The following FBXO11 variants were observed in gnomAD, a reference collection of about 807,000 sequenced individuals.
The protein encoded by FBXO11 is F-box protein 11, also known as F-box only protein 11.
Under a neutral mutation model 117.0 loss-of-function variants are expected in FBXO11, and 13 were observed. The ratio of observed to expected loss-of-function variants is 0.11; its 90% CI spans 0.07 to 0.18. The LOEUF is 0.18. Among genes scored for constraint, FBXO11 ranks in the 10% least tolerant of loss-of-function variants. The pLI is 1.00. For synonymous variants in FBXO11, 490 were observed against 380.5 expected (o/e 1.29, Z -3.35); for missense variants, 767 against 1,164.4 (o/e 0.66, Z 4.97).
intron 11 of FBXO11, among the ~76,000 whole-genome samples, chr2:47,831,076 G>A (rs1450708511): frequency 6.6e-6 from 1 of 151,806 alleles, no homozygotes; most frequent in African/African-American, 2.4e-5. Context: ...TGGGATTACA[G>A]GTGTGAGCCA....
intron 1 of FBXO11, among the ~76,000 whole-genome samples, chr2:47,872,104 T>C (rs1219853287): frequency 6.6e-6 from 1 of 152,230 alleles, no homozygotes; most frequent in African/African-American, 2.4e-5. Flanking sequence ...CTGGCTTCCA[T>C]CTTTCCTGTT....
chr2:47,830,989 G>C (rs893407707), intron 11 of FBXO11, among the ~76,000 whole-genome samples: 7 of 152,010 alleles, frequency 4.6e-5, no homozygotes, highest in African/African-American at 1.7e-4. Flanking sequence ...TGTAGAGACA[G>C]AGTTTCACCA....
At chr2:47,836,445 T>C (rs1280987946) in intron 4 of FBXO11, among the ~76,000 whole-genome samples, 1 of 152,188 alleles carries the variant, frequency 6.6e-6, no homozygotes, top group Non-Finnish European at 1.5e-5. Context: ...CTCAGTTCAC[T>C]GCAACCTCTG....
At chr2:47,873,779 TTA>T (rs1217354839) in intron 1 of FBXO11, among the ~76,000 whole-genome samples, 3 of 152,230 alleles carry the variant, frequency 2.0e-5, no homozygotes, top group African/African-American at 7.2e-5. Context: ...CTTTTAAAAA[TTA>T]TGTTACTGTA....
At chr2:47,834,527 C>G in intron 7 of FBXO11, 52 bp downstream of exon 7, 1 of 1,368,748 alleles carries the variant, frequency 7.3e-7, no homozygotes, top group Non-Finnish European at 9.8e-7. Context: ...AAAATCCTAT[C>G]ACATAAATGA....
At chr2:47,833,585 T>C (rs1672337371) in intron 7 of FBXO11, among the ~76,000 whole-genome samples, 1 of 152,240 alleles carries the variant, frequency 6.6e-6, no homozygotes, top group African/African-American at 2.4e-5. Flanking sequence ...TAAAATGTTC[T>C]ATGTACTGTA....
chr2:47,832,104 T>C (rs1672237938), intron 11 of FBXO11, among the ~76,000 whole-genome samples: 1 of 152,186 alleles, frequency 6.6e-6, no homozygotes, highest in African/African-American at 2.4e-5. Flanking sequence ...TAACGAGTTA[T>C]ACCTTACTCC....
chr2:47,863,179 C>A (rs1267496057), intron 1 of FBXO11, among the ~76,000 whole-genome samples: 1 of 151,070 alleles, frequency 6.6e-6, no homozygotes. Context: ...AAAATAAAAC[C>A]AAAACATTGT....
At chr2:47,892,393 T>A (rs1677322167) in intron 1 of FBXO11, among the ~76,000 whole-genome samples, 2 of 152,274 alleles carry the variant, frequency 1.3e-5, no homozygotes, top group Non-Finnish European at 2.9e-5. Context: ...TGTCACTGAT[T>A]GGTATGTAAC....
chr2:47,810,211 C>T, intron 19 of FBXO11, 105 bp downstream of exon 19: 1 of 712,780 alleles, frequency 1.4e-6, no homozygotes, highest in Non-Finnish European at 2.2e-6. Flanking sequence ...CACTTCAGCA[C>T]ACTTTGCACA....
intron 1 of FBXO11, among the ~76,000 whole-genome samples, chr2:47,890,877 G>A (rs761390013): frequency 6.6e-6 from 1 of 152,084 alleles, no homozygotes; most frequent in Non-Finnish European, 1.5e-5. Context: ...GAATGCAGTG[G>A]TGCAATCATA....
chr2:47,825,955 A>AC (rs1671724524), intron 11 of FBXO11, among the ~76,000 whole-genome samples: 1 of 152,162 alleles, frequency 6.6e-6, no homozygotes, highest in South Asian at 2.1e-4. Context: ...AGTAAAAAAA[A>AC]ATTGATATAC....
intron 1 of FBXO11, among the ~76,000 whole-genome samples, chr2:47,902,795 T>A (rs139882242): frequency 6.6e-6 from 1 of 152,256 alleles, no homozygotes; most frequent in East Asian, 1.9e-4. Context: ...CTGAACTAGT[T>A]TGTCTCAAAA....
chr2:47,851,337 C>G (rs1168258918), intron 1 of FBXO11, among the ~76,000 whole-genome samples: 1 of 152,048 alleles, frequency 6.6e-6, no homozygotes, highest in Non-Finnish European at 1.5e-5. Flanking sequence ...AGCGATTCTC[C>G]TGCCTCAGCC....
chr2:47,832,389 T>C lies in FBXO11; in HGVS notation c.1358A>G (p.His453Arg), dbSNP rs781172158. The C allele has an allele frequency of 6.2e-7, 1 of 1,613,544 alleles. No individual in the cohort carries two copies. The highest frequency in any genetic ancestry group is 8.5e-7 in the Non-Finnish European group (1 of 1,179,758). The change falls in exon 11 of 23, where the codon CAT becomes CGT. Residue 453 changes from histidine to arginine, a missense_variant. By Grantham distance (29) the His-to-Arg change is conservative. Around this residue, in one of 10 missense-constraint regions of FBXO11, gnomAD observed 33 missense variants for 66.1 expected, o/e 0.50. Transcript: ENST00000403359. ...TGTGAACACACCAACATCACGTCCA[T>C]GATGAATATGATTCCGTCTAATAAT... The part of the protein sequence containing the change: ...NPIIRRNHIH[H>R]GRDVGVFTFD...
At chr2:47,886,320 C>T (rs183575807) in intron 1 of FBXO11, among the ~76,000 whole-genome samples, 5 of 152,080 alleles carry the variant, frequency 3.3e-5, no homozygotes, top group African/African-American at 9.6e-5. Flanking sequence ...GCCTGACCAA[C>T]ATGGTGAAAC....
Position 47,838,946 on chromosome 2 carries a change from A to G in FBXO11, c.500T>C (p.Ile167Thr). Reference sequence around the variant, plus strand: ...ATCCTGTTCCAGCAAGTAAGAGAAGATTTTTAGAACCACTTCATCTGGCAG... The same window carrying G: ...ATCCTGTTCCAGCAAGTAAGAGAAGGTTTTTAGAACCACTTCATCTGGCAG... Reference protein sequence around the residue: ...EKLPDEVVLKIFSYLLEQDLC... With the variant: ...EKLPDEVVLKTFSYLLEQDLC... Residue 167 changes from isoleucine (I) to threonine (T), a missense_variant, in exon 4 of 23, where the codon ATC becomes ACC. Around this residue, in one of 10 missense-constraint regions of FBXO11, gnomAD observed 355 missense variants for 299.8 expected, o/e 1.18. Transcript: ENST00000403359. 1 of 1,614,092 alleles carries G rather than the reference A, an allele frequency of 6.2e-7. No individual in the cohort carries two copies. Among genetic ancestry groups the G allele is most frequent in the Non-Finnish European group, 8.5e-7 (1 of 1,179,964 alleles).
chr2:47,817,315 A>C (rs1671073904), intron 16 of FBXO11, among the ~76,000 whole-genome samples: 1 of 152,172 alleles, frequency 6.6e-6, no homozygotes, highest in South Asian at 2.1e-4. Flanking sequence ...GGCTTAAGGG[A>C]ATGTTGCGGC....
chr2:47,826,118 G>C (rs1489410670), intron 11 of FBXO11, among the ~76,000 whole-genome samples: 1 of 151,956 alleles, frequency 6.6e-6, no homozygotes, highest in African/African-American at 2.4e-5. Flanking sequence ...GAGTGCAGTG[G>C]CACGATCTCG....
Sources: allele counts gnomAD v4.1 joint callset (sites outside exome capture counted in the v4.1 genomes callset), GRCh38; gene constraint gnomAD v4.1.1; regional missense constraint gnomAD v4.1.1; transcripts MANE v1.5; gene names NCBI Gene and HGNC (gene_info 2026-07-23, HGNC 2026-07-21).